Variants in DCAF1 observed in about 807,000 individuals in gnomAD.
The protein encoded by DCAF1 is DDB1 and CUL4 associated factor 1.
Under a neutral mutation model 128.0 loss-of-function variants are expected in DCAF1, and 15 were observed. The ratio of observed to expected loss-of-function variants is 0.12; its 90% CI spans 0.08 to 0.18. The LOEUF (loss-of-function observed/expected upper bound fraction) is 0.18. Among genes scored for constraint, DCAF1 ranks in the 10% least tolerant of loss-of-function variants. DCAF1 has a pLI of 1.00. For synonymous variants in DCAF1, 610 were observed against 603.0 expected, an observed-to-expected ratio of 1.01 and a Z score of -0.17; for missense variants, 988 against 1,649.5, an observed-to-expected ratio of 0.60 and a Z score of 6.95.
At chr3:51,445,989 CTT>C (rs782164524) in intron 6 of DCAF1, among the ~76,000 whole-genome samples, 9 of 117,618 alleles carry the variant, frequency 7.7e-5, no homozygotes, top group East Asian at 5.0e-4. Context: ...AACCTAAGTT[CTT>C]TTTTTTTTTT....
At chr3:51,409,336 C>T (rs782307172) in intron 23 of DCAF1, among the ~76,000 whole-genome samples, 2 of 152,104 alleles carry the variant, frequency 1.3e-5, no homozygotes, top group African/African-American at 4.8e-5. Flanking sequence ...AAGAATAAGG[C>T]GAACCCAGAG....
chr3:51,458,690 C>A (rs28829025), intron 6 of DCAF1, among the ~76,000 whole-genome samples: 10,233 of 151,940 alleles, frequency 0.067, 904 homozygotes, highest in East Asian at 0.33. Context: ...CAAATGTAAA[C>A]GAACAGAAAT....
intron 2 of DCAF1, among the ~76,000 whole-genome samples, chr3:51,496,365 T>C (rs1708237008): frequency 6.6e-6 from 1 of 152,088 alleles, no homozygotes; most frequent in Non-Finnish European, 1.5e-5. Flanking sequence ...AGACAGAGGT[T>C]GCAGTGAGCC....
intron 3 of DCAF1, among the ~76,000 whole-genome samples, chr3:51,472,261 C>T (rs1319481077): frequency 6.6e-6 from 1 of 152,198 alleles, no homozygotes; most frequent in African/African-American, 2.4e-5. Flanking sequence ...TTCAGGGTTA[C>T]AGTGCTATTA....
chr3:51,437,000 C>A lies in DCAF1; in HGVS notation c.1129-3736G>T, dbSNP rs577274431. Among the ~76,000 whole-genome samples the A allele has an allele frequency of 7.2e-5, 11 of 152,240 alleles. No individual in the cohort carries two copies. The East Asian group carries it at 2.1e-3, about 29-fold the overall frequency. ...AGAGAGAGACAGGTGCAGCGGCTCA[C>A]GCCTTTAATCCCAGCACTTTGGGAG... On this transcript the variant is annotated intron_variant, in intron 9 of 24. Transcript: ENST00000684031.
At chr3:51,444,975 C>A (rs1553639916) in intron 6 of DCAF1, among the ~76,000 whole-genome samples, 1 of 151,856 alleles carries the variant, frequency 6.6e-6, no homozygotes, top group African/African-American at 2.4e-5. Flanking sequence ...ATGCCCGGCC[C>A]CCAAACTTAT....
At chr3:51,413,426 C>T in intron 20 of DCAF1, 40 bp from the exon 21 acceptor site, 2 of 1,585,810 alleles carry the variant, frequency 1.3e-6, no homozygotes, top group Non-Finnish European at 1.7e-6. Context: ...TTAGGAATCA[C>T]AAACATCCCC....
intron 7 of DCAF1, 62 bp downstream of exon 7, chr3:51,443,704 T>G (rs1435704034): frequency 2.8e-6 from 4 of 1,439,896 alleles, no homozygotes; most frequent in Non-Finnish European, 3.7e-6. Context: ...CAGATTCAAG[T>G]AACAAGAACC....
chr3:51,404,242 C>T (rs1371842256), intron 23 of DCAF1, among the ~76,000 whole-genome samples: 1 of 152,212 alleles, frequency 6.6e-6, no homozygotes, highest in Non-Finnish European at 1.5e-5. Context: ...ACGTAGCTGC[C>T]ACTCAAGACA....
chr3:51,473,349 T>A (rs1410562318), intron 3 of DCAF1, among the ~76,000 whole-genome samples: 3 of 149,802 alleles, frequency 2.0e-5, no homozygotes, highest in African/African-American at 7.3e-5. Flanking sequence ...AAGACTATCA[T>A]ACTCTCCATC....
intron 3 of DCAF1, among the ~76,000 whole-genome samples, chr3:51,472,896 C>A (rs1704922893): frequency 6.6e-6 from 1 of 150,394 alleles, no homozygotes; most frequent in Admixed American, 6.7e-5. Context: ...AACTCCTGAC[C>A]TCAGGTGATC....
chr3:51,457,402 A>G (rs1703042797), intron 6 of DCAF1, among the ~76,000 whole-genome samples: 2 of 152,222 alleles, frequency 1.3e-5, no homozygotes, highest in Admixed American at 1.3e-4. Context: ...TCCAAGAAAT[A>G]TGGGACTATG....
chr3:51,499,505 A>G (rs1553663120), intron 1 of DCAF1, among the ~76,000 whole-genome samples: 1 of 152,078 alleles, frequency 6.6e-6, no homozygotes, highest in African/African-American at 2.4e-5. Context: ...GCCCGTACGG[A>G]ACAGAGACTA....
At chr3:51,502,884 G>A (rs781875961), upstream of DCAF1, among the ~76,000 whole-genome samples, 28 of 152,106 alleles carry the variant, frequency 1.8e-4, no homozygotes, top group Non-Finnish European at 2.2e-4. Flanking sequence ...AACTGCACAC[G>A]CATTCCAAGT....
intron 6 of DCAF1, among the ~76,000 whole-genome samples, chr3:51,449,076 C>G (rs560304500): frequency 6.6e-6 from 1 of 152,174 alleles, no homozygotes; most frequent in Non-Finnish European, 1.5e-5. Flanking sequence ...AATTAAACAT[C>G]ACTCTTAAAT....
chr3:51,402,660 C>T (rs985479550), intron 24 of DCAF1, among the ~76,000 whole-genome samples: 33 of 150,196 alleles, frequency 2.2e-4, no homozygotes, highest in South Asian at 4.2e-4. Flanking sequence ...CTGCAACCTC[C>T]GCCTCCCAGG....
intron 2 of DCAF1, among the ~76,000 whole-genome samples, chr3:51,485,850 A>T (rs181466592): frequency 5.9e-5 from 9 of 151,660 alleles, no homozygotes; most frequent in Middle Eastern, 6.8e-3. Context: ...TACCTGCCCT[A>T]CCCCAAAAAT....
chr3:51,504,380 ACT>A (rs1279038138), upstream of DCAF1, among the ~76,000 whole-genome samples: 110 of 145,988 alleles, frequency 7.5e-4, no homozygotes, highest in Non-Finnish European at 3.5e-4. Flanking sequence ...ATGGAGCCTC[ACT>A]CTGTCCCCAG....
intron 6 of DCAF1, among the ~76,000 whole-genome samples, chr3:51,452,870 C>T (rs1276817552): frequency 6.6e-6 from 1 of 151,886 alleles, no homozygotes; most frequent in Non-Finnish European, 1.5e-5. Flanking sequence ...TAAAAATTAG[C>T]CGGGCGTGGT....
Sources: allele counts gnomAD v4.1 joint callset (sites outside exome capture counted in the v4.1 genomes callset), GRCh38; gene constraint gnomAD v4.1.1; transcripts MANE v1.5; gene names NCBI Gene and HGNC (gene_info 2026-07-23, HGNC 2026-07-21).